The following HSPA1L variants were observed in gnomAD, a reference collection of about 807,000 sequenced individuals.
HSPA1L encodes the protein heat shock 70 kDa protein 1-like.
A neutral mutation model predicts 31.5 loss-of-function variants in HSPA1L; 21 were observed. The ratio of observed to expected loss-of-function variants is 0.67; its 90% CI spans 0.47 to 0.96. HSPA1L has a LOEUF of 0.96. Ranked by LOEUF, HSPA1L falls within the 40% of genes least tolerant of loss-of-function variation. The pLI, the probability that HSPA1L is intolerant of heterozygous loss-of-function variation, is 0.00. For missense variants in HSPA1L, 709 were observed against 813.4 expected (o/e 0.87, Z 1.56); for synonymous variants, 293 against 323.1 (o/e 0.91, Z 1.00).
chr6:31,811,758 G>A lies in HSPA1L; in HGVS notation c.215C>T (p.Ala72Val). 1 of 1,614,150 alleles carries A rather than the reference G, an allele frequency of 6.2e-7. No individual in the cohort carries two copies. The change falls in exon 2 of 2, where the codon GCT becomes GTT. Residue 72 changes from alanine (A) to valine (V), a missense_variant. Coordinates refer to ENST00000375654, the MANE Select transcript of HSPA1L (RefSeq NM_005527.4). ...AMNPQNTVFD[A>V]KRLIGRKFND... ...AAATTTCCTGCCGATCAGACGTTTA[G>A]CATCAAAAACAGTGTTCTGGGGATT...
At position 31,811,771 on chromosome 6, in the gene HSPA1L, T is replaced by G; in HGVS notation, c.202A>C (p.Thr68Pro). The change falls in exon 2 of 2, where the codon ACT becomes CCT. Residue 68 changes from threonine to proline, a missense_variant. Coordinates refer to ENST00000375654, the MANE Select transcript of HSPA1L (RefSeq NM_005527.4). Reference sequence around the variant, plus strand: ...ATCAGACGTTTAGCATCAAAAACAGTGTTCTGGGGATTCATTGCTACCTGG... The same window carrying G: ...ATCAGACGTTTAGCATCAAAAACAGGGTTCTGGGGATTCATTGCTACCTGG... ...KNQVAMNPQN[T>P]VFDAKRLIGR... The G allele has an allele frequency of 1.9e-6, 3 of 1,614,112 alleles. No individual in the cohort carries two copies. The highest frequency in any genetic ancestry group is 2.5e-6 in the Non-Finnish European group (3 of 1,180,034).
rs749200537 is a variant in HSPA1L at position 31,811,782 on chromosome 6, T to C, written c.191A>G (p.Asn64Ser). 6.2e-7 allele frequency: 1 copy of C among 1,614,184 alleles called. No individual in the cohort carries two copies. The highest frequency in any genetic ancestry group is 2.2e-5 in the East Asian group (1 of 44,886). ...GDAAKNQVAM[N>S]PQNTVFDAKR... is the part of the protein sequence containing the mutation. ...AGCATCAAAAACAGTGTTCTGGGGA[T>C]TCATTGCTACCTGGTTCTTGGCCGC... Residue 64 changes from asparagine to serine, a missense_variant, in exon 2 of 2, where the codon AAT (asparagine) becomes AGT (serine). By Grantham distance (46) the Asn-to-Ser change is conservative. Transcript: ENST00000375654.
chr6:31,811,484 T>G lies in HSPA1L; in HGVS notation c.489A>C (p.Ala163=). 1 of 1,614,222 alleles carries G rather than the reference T, an allele frequency of 6.2e-7. No individual in the cohort carries two copies. Among genetic ancestry groups the G allele is most frequent in the South Asian group, 1.1e-5 (1 of 91,086 alleles). ...GCACATTAAGTCCAGCAATCACACC[T>G]GCATCCTTAGTAGCCTGACGTTGAG... ...NDSQRQATKD[A]GVIAGLNVLR... The change falls in exon 2 of 2, where the codon GCA becomes GCC. Residue 163 remains alanine, a synonymous_variant. Coordinates refer to ENST00000375654, the MANE Select transcript of HSPA1L (RefSeq NM_005527.4).
At chr6:31,813,586 T>G (rs1815592255) in intron 1 of HSPA1L, among the ~76,000 whole-genome samples, 1 of 152,188 alleles carries the variant, frequency 6.6e-6, no homozygotes. Context: ...ATGGCAGGCA[T>G]GAGCCACCAC....
At position 31,815,015 on chromosome 6, in the gene HSPA1L, C is replaced by A; in HGVS notation, c.-140G>T. 3 of 416,974 alleles carry A rather than the reference C, an allele frequency of 7.2e-6. No homozygotes were observed. The highest frequency in any genetic ancestry group is 9.4e-6 in the Non-Finnish European group (3 of 320,022). 25.8% of individuals were successfully genotyped at this position (416,974 alleles called of 1,614,324 possible). ...CCCCCCACCCCCCACCCCGTCCCTC[C>A]CTGCAAATTTGAGACGGCTCCAACT... On this transcript the variant is annotated 5_prime_UTR_variant, in exon 1 of 2. Coordinates refer to ENST00000375654, the MANE Select transcript of HSPA1L (RefSeq NM_005527.4).
At position 31,811,692 on chromosome 6, in the gene HSPA1L, A is replaced by G. The variant is rs1359025519; in HGVS notation, c.281T>C (p.Phe94Ser). Reference sequence around the variant, plus strand: ...CTTGCCTCCTTCATTAATCACTTGAAAAGGCCAAAGTTTCATATCTGCTTG... The same window carrying G: ...CTTGCCTCCTTCATTAATCACTTGAGAAGGCCAAAGTTTCATATCTGCTTG... ...VVQADMKLWPFQVINEGGKPK... is the reference protein window; with the variant it reads ...VVQADMKLWPSQVINEGGKPK... Residue 94 changes from phenylalanine (F) to serine (S), a missense_variant, in exon 2 of 2, where the codon TTT (phenylalanine) becomes TCT (serine). Transcript: ENST00000375654. The G allele has an allele frequency of 1.9e-6, 3 of 1,614,084 alleles. No homozygotes were observed.
Position 31,810,691 on chromosome 6 carries a change from G to C in HSPA1L, c.1282C>G (p.Gln428Glu), listed in dbSNP as rs1387287493. 1 of 1,613,924 alleles carries C rather than the reference G, an allele frequency of 6.2e-7. No individual in the cohort carries two copies. Among genetic ancestry groups the C allele is most frequent in the South Asian group, 1.1e-5 (1 of 91,084 alleles). ...TTGTCAGAGTAGGTGGTGAAAATCT[G>C]TGTCTGCTTGGTGGGGATGGTGGAG... ...RNSTIPTKQT[Q>E]IFTTYSDNQP... Residue 428 changes from glutamine to glutamate, a missense_variant, in exon 2 of 2, where the codon CAG becomes GAG. By Grantham distance (29) the Gln-to-Glu change is conservative. Transcript: ENST00000375654.
intron 1 of HSPA1L, among the ~76,000 whole-genome samples, chr6:31,813,556 C>T (rs1239219900): frequency 6.6e-6 from 1 of 152,140 alleles, no homozygotes; most frequent in Non-Finnish European, 1.5e-5. Context: ...CCGCCCGCCT[C>T]GGTCTCCCTA....
rs747436894 is a variant in HSPA1L, at chr6:31,811,407, T to C, written c.566A>G (p.Lys189Arg). Residue 189 changes from lysine (K) to arginine (R), a missense_variant, in exon 2 of 2, where the codon AAA becomes AGA. Coordinates refer to ENST00000375654, the MANE Select transcript of HSPA1L (RefSeq NM_005527.4). ...TAAAIAYGLD[K>R]GGQGERHVLI... ...GACATGTCGTTCTCCTTGACCTCCT[T>C]TATCTAAACCATAGGCAATGGCAGC... 3.1e-5 allele frequency: 50 copies of C among 1,614,052 alleles called. No individual in the cohort carries two copies. Among genetic ancestry groups the C allele is most frequent in the Non-Finnish European group, 4.1e-5 (48 of 1,180,046 alleles).
At chr6:31,813,856 T>G (rs1815623766) in intron 1 of HSPA1L, among the ~76,000 whole-genome samples, 1 of 152,218 alleles carries the variant, frequency 6.6e-6, no homozygotes, top group Non-Finnish European at 1.5e-5. Context: ...ACTGTGGGAT[T>G]CTGTCTCTTT....
At position 31,811,781 on chromosome 6, in the gene HSPA1L, A is replaced by T; in HGVS notation, c.192T>A (p.Asn64Lys). The change falls in exon 2 of 2, where the codon AAT (asparagine) becomes AAA (lysine). Residue 64 changes from asparagine to lysine, a missense_variant. Physicochemically the swap from Asn to Lys is moderately conservative, Grantham distance 94. Transcript: ENST00000375654. ...GDAAKNQVAMNPQNTVFDAKR... is the reference protein window; with the variant it reads ...GDAAKNQVAMKPQNTVFDAKR... ...TAGCATCAAAAACAGTGTTCTGGGG[A>T]TTCATTGCTACCTGGTTCTTGGCCG... The T allele has an allele frequency of 6.2e-7, 1 of 1,614,108 alleles. No homozygotes were observed. The highest frequency in any genetic ancestry group is 1.3e-5 in the African/African-American group (1 of 75,022).
rs769675691 is a variant in HSPA1L at position 31,811,646 on chromosome 6, G to A, written c.327C>T (p.Tyr109=). Residue 109 remains tyrosine (Y), a synonymous_variant, in exon 2 of 2, where the codon TAC becomes TAT. Transcript: ENST00000375654. The part of the protein sequence containing the change: ...EGGKPKVLVS[Y]KGENKAFYPE... ...GGTAGAAAGCTTTATTCTCCCCTTTGTAGGACACAAGGACTTTGGGCTTGC... is the reference window on the plus strand; with the variant it reads ...GGTAGAAAGCTTTATTCTCCCCTTTATAGGACACAAGGACTTTGGGCTTGC... 3 of 1,614,192 alleles carry A rather than the reference G, an allele frequency of 1.9e-6. No homozygotes were observed. The African/African-American group carries it at 4.0e-5, about 22-fold the overall frequency.
At chr6:31,814,840 C>A (rs16867582) in intron 1 of HSPA1L, 49 bp downstream of exon 1, 20,476 of 935,190 alleles carry the variant, frequency 0.022, 292 homozygotes, top group African/African-American at 0.032. Flanking sequence ...CAAACAAGGA[C>A]CTACTGAGCC....
chr6:31,812,941 C>T (rs769245046), intron 1 of HSPA1L, among the ~76,000 whole-genome samples: 6 of 152,128 alleles, frequency 3.9e-5, no homozygotes, highest in Non-Finnish European at 5.9e-5. Flanking sequence ...TTTGTCTCAG[C>T]CTCCCAAGTA....
chr6:31,812,758 G>GA, intron 1 of HSPA1L, among the ~76,000 whole-genome samples: 1 of 152,270 alleles, frequency 6.6e-6, no homozygotes, highest in Non-Finnish European at 1.5e-5. Flanking sequence ...TCGCAAAACT[G>GA]AAACTGTATA....
intron 1 of HSPA1L, among the ~76,000 whole-genome samples, chr6:31,814,389 G>C (rs1038774016): frequency 2.6e-5 from 4 of 151,862 alleles, no homozygotes; most frequent in Non-Finnish European, 5.9e-5. Flanking sequence ...GGCGCCTGCA[G>C]TCCCTGCTAC....
chr6:31,812,030 A>G (rs1815462625), intron 1 of HSPA1L, 45 bp from the exon 2 acceptor site: 3 of 1,565,882 alleles, frequency 1.9e-6, no homozygotes, highest in Admixed American at 3.9e-5. Flanking sequence ...GTGCTTTTCA[A>G]TGTTATTTAT....
chr6:31,809,958 G>T lies in HSPA1L; in HGVS notation c.*89C>A. The T allele has an allele frequency of 8.8e-7, 1 of 1,139,242 alleles. No individual in the cohort carries two copies. The highest frequency in any genetic ancestry group is 1.2e-6 in the Non-Finnish European group (1 of 859,176). 70.6% of individuals were successfully genotyped at this position (1,139,242 alleles called of 1,614,324 possible). A position where few individuals can be genotyped will look rare whatever the true frequency, so the allele number is the denominator to read the frequency against. ...TCCAAGGGATGGTAACTTAGATTCA[G>T]GTCTGGTCAAGAATAATAATGATGT... On this transcript the variant is annotated 3_prime_UTR_variant, in exon 2 of 2. Coordinates refer to ENST00000375654, the MANE Select transcript of HSPA1L (RefSeq NM_005527.4).
In HSPA1L at chr6:31,810,130, C is replaced by T. The variant is rs377450492; in HGVS notation, c.1843G>A (p.Gly615Arg). The change falls in exon 2 of 2, where the codon GGA becomes AGA. Residue 615 changes from glycine to arginine, a missense_variant. Coordinates refer to ENST00000375654, the MANE Select transcript of HSPA1L (RefSeq NM_005527.4). ...CNPIITKLYQ[G>R]GCTGPACGTG... is the part of the protein sequence containing the mutation. ...CCGCAGGCAGGCCCAGTGCATCCTCCTTGGTAGAGTTTTGTGATGATAGGG... is the reference window on the plus strand; with the variant it reads ...CCGCAGGCAGGCCCAGTGCATCCTCTTTGGTAGAGTTTTGTGATGATAGGG... 2.3e-5 allele frequency: 35 copies of T among 1,507,304 alleles called. No homozygotes were observed. The highest frequency in any genetic ancestry group is 3.0e-5 in the Non-Finnish European group (34 of 1,133,160). The allele number at this position is 1,507,304 out of a possible 1,614,324, so 93.4% of individuals were successfully genotyped here. A position where few individuals can be genotyped will look rare whatever the true frequency, so the allele number is the denominator to read the frequency against.
Sources: allele counts gnomAD v4.1 joint callset (sites outside exome capture counted in the v4.1 genomes callset), GRCh38; gene constraint gnomAD v4.1.1; transcripts MANE v1.5; gene names NCBI Gene and HGNC (gene_info 2026-07-23, HGNC 2026-07-21).